The following CAMTA1 variants were observed in gnomAD, a reference collection of about 807,000 sequenced individuals.
The protein encoded by CAMTA1 is calmodulin-binding transcription activator 1.
A neutral mutation model predicts 170.9 loss-of-function variants in CAMTA1; 27 were observed. The observed-to-expected ratio is 0.16, with a 90% CI of 0.12 to 0.22. The LOEUF (loss-of-function observed/expected upper bound fraction) is 0.22, where lower values mean the gene tolerates loss of function less well. Among genes scored for constraint, CAMTA1 ranks in the 10% least tolerant of loss-of-function variants. CAMTA1 has a pLI of 1.00. For missense variants in CAMTA1, 1,619 were observed against 2,217.2 expected, an observed-to-expected ratio of 0.73 and a Z score of 5.42; for synonymous variants, 833 against 891.5, an observed-to-expected ratio of 0.93 and a Z score of 1.17.
intron 3 of CAMTA1, among the ~76,000 whole-genome samples, chr1:6,976,712 G>A (rs1386202521): frequency 6.6e-6 from 1 of 152,192 alleles, no homozygotes. Flanking sequence ...CAGCAGAGGA[G>A]GGAAGAGAAT....
At chr1:7,553,863 G>T (rs765513) in intron 6 of CAMTA1, among the ~76,000 whole-genome samples, 1 of 151,982 alleles carries the variant, frequency 6.6e-6, no homozygotes, top group Non-Finnish European at 1.5e-5. Flanking sequence ...ATGCAGGGGC[G>T]TGAAATCAGA....
chr1:7,695,298 G>C (rs1400212771), intron 11 of CAMTA1, among the ~76,000 whole-genome samples: 1 of 152,202 alleles, frequency 6.6e-6, no homozygotes, highest in African/African-American at 2.4e-5. Context: ...GCAAGAGCGA[G>C]CTCTGAGCAG....
intron 6 of CAMTA1, among the ~76,000 whole-genome samples, chr1:7,514,826 A>G (rs2094257510): frequency 6.6e-6 from 1 of 152,152 alleles, no homozygotes; most frequent in Non-Finnish European, 1.5e-5. Context: ...GGGGCCCAAG[A>G]GGCCCGCCCC....
At chr1:7,654,986 ACACACACC>A (rs2095875768) in intron 7 of CAMTA1, among the ~76,000 whole-genome samples, 1 of 136,546 alleles carries the variant, frequency 7.3e-6, no homozygotes, top group Non-Finnish European at 1.5e-5. Flanking sequence ...ACACACCTAT[ACACACACC>A]CACACACACC....
intron 22 of CAMTA1, among the ~76,000 whole-genome samples, chr1:7,763,987 A>G (rs1305083361): frequency 2.6e-5 from 4 of 152,218 alleles, no homozygotes; most frequent in Non-Finnish European, 2.9e-5. Flanking sequence ...AAGTACAGAT[A>G]TTGCATGTCC....
chr1:7,091,190 G>C, intron 3 of CAMTA1, 114 bp from the exon 4 acceptor site: 1 of 733,502 alleles, frequency 1.4e-6, no homozygotes, highest in South Asian at 1.5e-5. Context: ...AGCAGGGATG[G>C]AGTTCCAGGC....
intron 5 of CAMTA1, among the ~76,000 whole-genome samples, chr1:7,417,755 C>G (rs1407760513): frequency 6.6e-6 from 1 of 152,222 alleles, no homozygotes; most frequent in Admixed American, 6.5e-5. Flanking sequence ...TGTGCTTCGG[C>G]TCACACACAG....
At chr1:7,513,778 C>G (rs1439576776) in intron 6 of CAMTA1, among the ~76,000 whole-genome samples, 1 of 152,102 alleles carries the variant, frequency 6.6e-6, no homozygotes, top group Non-Finnish European at 1.5e-5. Flanking sequence ...CAAAATTAGC[C>G]AGGCGTGGTG....
At chr1:7,241,351 T>C (rs1664824321) in intron 4 of CAMTA1, among the ~76,000 whole-genome samples, 1 of 152,230 alleles carries the variant, frequency 6.6e-6, no homozygotes, top group Middle Eastern at 3.2e-3. Context: ...AGACTCAATA[T>C]TGTTAAGATG....
At chr1:6,931,818 C>T (rs1174898607) in intron 3 of CAMTA1, among the ~76,000 whole-genome samples, 2 of 152,170 alleles carry the variant, frequency 1.3e-5, no homozygotes, top group Non-Finnish European at 2.9e-5. Context: ...TCCCTGGGGA[C>T]TTGGTACCTC....
At chr1:7,567,785 A>G (rs547027535) in intron 6 of CAMTA1, among the ~76,000 whole-genome samples, 1 of 152,300 alleles carries the variant, frequency 6.6e-6, no homozygotes, top group East Asian at 1.9e-4. Flanking sequence ...TGTGCCATGT[A>G]TTTTATCCTG....
chr1:7,663,279 C>G, intron 8 of CAMTA1, 74 bp from the exon 9 acceptor site: 2 of 1,495,496 alleles, frequency 1.3e-6, no homozygotes, highest in East Asian at 2.3e-5. Flanking sequence ...CTCTGACTCT[C>G]TTTTGTGTGT....
intron 3 of CAMTA1, among the ~76,000 whole-genome samples, chr1:6,897,786 G>C (rs540152919): frequency 6.6e-6 from 1 of 152,290 alleles, no homozygotes; most frequent in Admixed American, 6.5e-5. Context: ...GGATATATGG[G>C]TTGTGTTTAA....
intron 6 of CAMTA1, among the ~76,000 whole-genome samples, chr1:7,558,526 G>A (rs1029211281): frequency 3.3e-5 from 5 of 152,250 alleles, no homozygotes; most frequent in Non-Finnish European, 5.9e-5. Context: ...AATGTATTTA[G>A]GGACCCACTG....
At chr1:6,872,135 C>T (rs80105678) in intron 3 of CAMTA1, 5,449 of 323,578 alleles carry the variant, frequency 0.017, 313 homozygotes, top group African/African-American at 0.11. Flanking sequence ...TTGATATTTA[C>T]GTATAACTTA....
chr1:7,284,190 T>TTATTAC (rs1671998725), intron 5 of CAMTA1, among the ~76,000 whole-genome samples: 1 of 120,980 alleles, frequency 8.3e-6, no homozygotes. Context: ...ATTATTATTA[T>TTATTAC]TATTATTATT....
At chr1:7,587,917 C>G (rs2095324450) in intron 6 of CAMTA1, among the ~76,000 whole-genome samples, 1 of 152,116 alleles carries the variant, frequency 6.6e-6, no homozygotes, top group African/African-American at 2.4e-5. Flanking sequence ...ACGTAAAGCA[C>G]CGGGTACCTC....
chr1:7,703,638 C>T (rs1328477446), intron 11 of CAMTA1, among the ~76,000 whole-genome samples: 2 of 152,162 alleles, frequency 1.3e-5, no homozygotes, highest in Non-Finnish European at 2.9e-5. Flanking sequence ...ACCTTTTTAC[C>T]CAGGTGGCAG....
intron 4 of CAMTA1, among the ~76,000 whole-genome samples, chr1:7,194,017 T>C (rs1166574603): frequency 6.6e-6 from 1 of 152,222 alleles, no homozygotes; most frequent in African/African-American, 2.4e-5. Context: ...GATACGTAGA[T>C]AGACACATGT....
Sources: gnomAD v4.1 joint callset for allele counts (sites outside exome capture counted in the v4.1 genomes callset) on GRCh38, gnomAD v4.1.1 for gene constraint, MANE v1.5 for transcripts, NCBI Gene and HGNC (gene_info 2026-07-23, HGNC 2026-07-21) for gene names.